SMG6: variants seen among roughly 807,000 people sequenced by gnomAD.
SMG6 encodes telomerase-binding protein EST1A.
SMG6 carries 66 observed loss-of-function variants against 142.2 expected under a neutral mutation model. The ratio of observed to expected loss-of-function variants is 0.46; its 90% CI spans 0.38 to 0.57. The LOEUF (loss-of-function observed/expected upper bound fraction) is 0.57. Among genes scored for constraint, SMG6 ranks in the 20% least tolerant of loss-of-function variants. The pLI is 0.00. For missense variants in SMG6, 1,793 were observed against 1,832.0 expected, an observed-to-expected ratio of 0.98 and a Z score of 0.39; for synonymous variants, 779 against 702.4, an observed-to-expected ratio of 1.11 and a Z score of -1.72.
In SMG6 at chr17:2,188,509, A is replaced by C. The variant is rs766904127; in HGVS notation, c.2876T>G (p.Phe959Cys). Residue 959 changes from phenylalanine (F) to cysteine (C), a missense_variant, in exon 11 of 19, where the codon TTC (phenylalanine) becomes TGC (cysteine). Around this residue, in one of 3 missense-constraint regions of SMG6, gnomAD observed 1,597 missense variants for 1,584.6 expected, o/e 1.01. Transcript: ENST00000263073. ...AVHNSQLKDC[F>C]SEECRSVIQE... ...GATCACAGAGCGGCACTCCTCCGAG[A>C]AGCAGTCTGCGGACAGGCAAATGAA... The C allele has an allele frequency of 3.1e-6, 5 of 1,613,820 alleles. No homozygotes were observed. In the South Asian group the frequency reaches 5.5e-5, roughly 18 times the overall value.
chr17:2,171,411 T>C (rs1421598132), intron 13 of SMG6, among the ~76,000 whole-genome samples: 3 of 151,704 alleles, frequency 2.0e-5, no homozygotes, highest in East Asian at 3.9e-4. Context: ...TTATATATGA[T>C]CAGCAAAATA....
chr17:2,266,162 A>C, intron 8 of SMG6: 1 of 985,470 alleles, frequency 1.0e-6, no homozygotes, highest in Non-Finnish European at 1.2e-6. Flanking sequence ...TGTCTAAACC[A>C]AACCAAGGCC....
chr17:2,194,139 G>A (rs2072246704), intron 10 of SMG6, among the ~76,000 whole-genome samples: 1 of 152,218 alleles, frequency 6.6e-6, no homozygotes, highest in Admixed American at 6.5e-5. Flanking sequence ...CAATGATGGA[G>A]TTGGTGGATG....
At chr17:2,301,285 G>C (rs980291385) in intron 1 of SMG6, among the ~76,000 whole-genome samples, 1 of 152,148 alleles carries the variant, frequency 6.6e-6, no homozygotes, top group Non-Finnish European at 1.5e-5. Flanking sequence ...ATACCTGCTG[G>C]TGAATTAAAC....
chr17:2,284,311 C>T (rs1245706517), intron 6 of SMG6, among the ~76,000 whole-genome samples: 1 of 152,146 alleles, frequency 6.6e-6, no homozygotes, highest in African/African-American at 2.4e-5. Context: ...CTGTCTCACA[C>T]TTAACTGTAC....
chr17:2,239,591 G>A (rs1023315887), intron 9 of SMG6, among the ~76,000 whole-genome samples: 2 of 151,804 alleles, frequency 1.3e-5, no homozygotes, highest in African/African-American at 4.8e-5. Flanking sequence ...GTGATATGTA[G>A]GAAAAAAATT....
At chr17:2,220,329 A>G (rs1170485525) in intron 10 of SMG6, among the ~76,000 whole-genome samples, 3 of 152,186 alleles carry the variant, frequency 2.0e-5, no homozygotes, top group African/African-American at 7.2e-5. Flanking sequence ...GATTAAATGA[A>G]AGTTAACATA....
intron 10 of SMG6, chr17:2,213,781 G>A (rs970975925): frequency 2.0e-5 from 3 of 152,110 alleles, no homozygotes; most frequent in African/African-American, 4.8e-5. Context: ...AGTCTACCAC[G>A]GATCCCACCC....
intron 14 of SMG6, among the ~76,000 whole-genome samples, chr17:2,082,980 C>A (rs2068464701): frequency 6.6e-6 from 1 of 152,276 alleles, no homozygotes; most frequent in African/African-American, 2.4e-5. Flanking sequence ...AAGATAGGTG[C>A]TATCACCATC....
intron 1 of SMG6, 124 bp downstream of exon 1, chr17:2,303,509 C>T (rs1047591410): frequency 1.5e-6 from 2 of 1,329,110 alleles, no homozygotes; most frequent in South Asian, 2.0e-5. Context: ...GCGGCCCCAG[C>T]GCCTACTGCT....
chr17:2,269,639 T>C (rs920132600), intron 8 of SMG6, among the ~76,000 whole-genome samples: 1 of 152,172 alleles, frequency 6.6e-6, no homozygotes, highest in Admixed American at 6.5e-5. Flanking sequence ...CAACTTTGTG[T>C]AGCCACGTAT....
chr17:2,294,616 T>G (rs565962253), intron 4 of SMG6, among the ~76,000 whole-genome samples: 3 of 152,238 alleles, frequency 2.0e-5, no homozygotes, highest in Non-Finnish European at 2.9e-5. Flanking sequence ...TTCACCTGGC[T>G]GAAGCTTTCG....
At chr17:2,139,995 G>T (rs936415556) in intron 13 of SMG6, among the ~76,000 whole-genome samples, 1 of 152,160 alleles carries the variant, frequency 6.6e-6, no homozygotes, top group Non-Finnish European at 1.5e-5. Flanking sequence ...CAAAGTGCTG[G>T]GATTACAGGC....
Position 2,061,427 on chromosome 17 carries a change from T to C in SMG6, c.*65A>G, listed in dbSNP as rs2067770621. On this transcript the variant is annotated 3_prime_UTR_variant, in exon 19 of 19. Coordinates refer to ENST00000263073, the MANE Select transcript of SMG6 (RefSeq NM_017575.5). ...TCAGGCACGTGGGCATCTTCCGTGC[T>C]ACACTGGGCGCCTGGTGGCCTTTCA... 16 of 1,490,892 alleles carry C rather than the reference T, an allele frequency of 1.1e-5. No individual in the cohort carries two copies. Among genetic ancestry groups the C allele is most frequent in the Middle Eastern group, 2.3e-4 (1 of 4,364 alleles). The allele number at this position is 1,490,892 out of a possible 1,614,324, so 92.4% of individuals were successfully genotyped here.
At chr17:2,237,879 T>A (rs2073706677) in intron 9 of SMG6, among the ~76,000 whole-genome samples, 1 of 152,200 alleles carries the variant, frequency 6.6e-6, no homozygotes, top group Non-Finnish European at 1.5e-5. Context: ...AAACAATTCG[T>A]GGTCACCAAA....
Position 2,283,746 on chromosome 17 carries a change from A to G in SMG6, c.2338-11T>C, listed in dbSNP as rs1567747016. 6.2e-7 allele frequency: 1 copy of G among 1,607,354 alleles called. No individual in the cohort carries two copies. Among genetic ancestry groups the G allele is most frequent in the South Asian group, 1.1e-5 (1 of 90,860 alleles). On this transcript the variant is annotated splice_polypyrimidine_tract_variant and intron_variant, in intron 6 of 18. Transcript: ENST00000263073. ...GTCAAGCTTCCTCCTCTGTGGAAAG[A>G]GGCCAGAGACATTCAGTCAACCAAT...
intron 13 of SMG6, among the ~76,000 whole-genome samples, chr17:2,166,889 C>G (rs946423601): frequency 6.6e-6 from 1 of 152,074 alleles, no homozygotes. Context: ...CTCTGGGAGG[C>G]TGAGGCGGGC....
chr17:2,196,978 AC>A (rs1219594127), intron 10 of SMG6, among the ~76,000 whole-genome samples: 1 of 152,218 alleles, frequency 6.6e-6, no homozygotes, highest in Non-Finnish European at 1.5e-5. Context: ...TCACACTTAT[AC>A]AAAAATTATC....
chr17:2,242,303 G>A (rs1322375817), intron 9 of SMG6, among the ~76,000 whole-genome samples: 1 of 147,096 alleles, frequency 6.8e-6, no homozygotes, highest in African/African-American at 2.5e-5. Flanking sequence ...ACGAGGTCAG[G>A]AGATCGAGAC....
Sources: gnomAD v4.1 joint callset for allele counts (sites outside exome capture counted in the v4.1 genomes callset) on GRCh38, gnomAD v4.1.1 for gene constraint, gnomAD v4.1.1 regional missense constraint, MANE v1.5 for transcripts, NCBI Gene and HGNC (gene_info 2026-07-23, HGNC 2026-07-21) for gene names.